The following ENO1 variants were observed in gnomAD, a reference collection of about 807,000 sequenced individuals.
ENO1 encodes the protein enolase 1.
ENO1 carries 33 observed loss-of-function variants against 46.3 expected under a neutral mutation model. That is an observed-to-expected ratio of 0.71 (90% CI 0.54 to 0.95). The LOEUF is 0.95. Among genes scored for constraint, ENO1 ranks in the 40% least tolerant of loss-of-function variants. ENO1 has a pLI of 0.00. For synonymous variants in ENO1, 220 were observed against 216.0 expected, an observed-to-expected ratio of 1.02 and a Z score of -0.16; for missense variants, 488 against 553.3, an observed-to-expected ratio of 0.88 and a Z score of 1.18.
At position 8,872,032 on chromosome 1, in the gene ENO1, T is replaced by C. The variant is rs28931274; in HGVS notation, c.86-46A>G. The C allele has an allele frequency of 1.3e-3, 1,941 of 1,530,324 alleles. 28 individuals carry two copies. In the African/African-American group the frequency reaches 0.025, roughly 19 times the overall value. The allele number at this position is 1,530,324 out of a possible 1,614,324, so 94.8% of individuals were successfully genotyped here. A position where few individuals can be genotyped will look rare whatever the true frequency, so the allele number is the denominator to read the frequency against. ...TGTAGTAGCAATTCAGAAATCCAGTTCCAGCACAATCCCAAGTCCCCTCCC... is the reference window on the plus strand; with the variant it reads ...TGTAGTAGCAATTCAGAAATCCAGTCCCAGCACAATCCCAAGTCCCCTCCC... On this transcript the variant is annotated intron_variant, in intron 2 of 11. Coordinates refer to ENST00000234590, the MANE Select transcript of ENO1 (RefSeq NM_001428.5).
intron 6 of ENO1, 140 bp downstream of exon 6, chr1:8,866,977 A>C (rs1642531300): frequency 3.0e-6 from 4 of 1,312,808 alleles, no homozygotes; most frequent in Non-Finnish European, 4.1e-6. Context: ...TTACCTGCTC[A>C]AGGTCACACT....
intron 3 of ENO1, chr1:8,871,320 T>C (rs944674927): frequency 1.0e-6 from 1 of 992,756 alleles, no homozygotes; most frequent in Non-Finnish European, 1.2e-6. Context: ...TGGCCACATG[T>C]TCTATCTCTA....
In ENO1 at chr1:8,871,904, G is replaced by A; in HGVS notation, c.168C>T (p.Arg56=). 6.2e-7 allele frequency: 1 copy of A among 1,614,016 alleles called. No individual in the cohort carries two copies. The highest frequency in any genetic ancestry group is 1.1e-5 in the South Asian group (1 of 91,078). ...ALELRDNDKT[R]YMGKGVSKAV... ...TCTAAGGCTTACCCTTCCCCATATA[G>A]CGAGTCTTATCATTGTCCCGGAGCT... Residue 56 remains arginine (R), a synonymous_variant, in exon 3 of 12, where the codon CGC becomes CGT. Transcript: ENST00000234590.
At position 8,861,295 on chromosome 1, in the gene ENO1, G is replaced by A; in HGVS notation, c.*65C>T. The A allele has an allele frequency of 6.4e-7, 1 of 1,564,754 alleles. No homozygotes were observed. The highest frequency in any genetic ancestry group is 1.7e-5 in the Admixed American group (1 of 59,684). On this transcript the variant is annotated 3_prime_UTR_variant, in exon 12 of 12. Transcript: ENST00000234590. Reference sequence around the variant, plus strand: ...GTTGGTCGGGGGCCTCGAGCTGCCTGAGCTGACACGAGGGGAGGGGTCTGT... The same window carrying A: ...GTTGGTCGGGGGCCTCGAGCTGCCTAAGCTGACACGAGGGGAGGGGTCTGT...
intron 3 of ENO1, chr1:8,871,042 C>T: frequency 2.4e-6 from 3 of 1,236,340 alleles, no homozygotes; most frequent in Non-Finnish European, 3.0e-6. Flanking sequence ...TTACTGAGCA[C>T]TCATTACCAT....
chr1:8,870,547 C>G (rs56193077), intron 3 of ENO1, 37 bp from the exon 4 acceptor site: 41,796 of 1,613,776 alleles, frequency 0.026, 624 homozygotes, highest in Non-Finnish European at 0.029. Flanking sequence ...CTGACATTAA[C>G]TTTAAAACAG....
intron 3 of ENO1, chr1:8,870,879 G>A (rs1009513660): frequency 2.4e-6 from 3 of 1,270,978 alleles, no homozygotes; most frequent in Non-Finnish European, 2.0e-6. Context: ...TGGGTCTGGA[G>A]ACGCCTGCCC....
intron 5 of ENO1, among the ~76,000 whole-genome samples, chr1:8,867,718 G>A (rs567798251): frequency 1.3e-5 from 2 of 152,072 alleles, no homozygotes; most frequent in Non-Finnish European, 2.9e-5. Context: ...TTTTAGTGGA[G>A]ACGGGGTTTC....
chr1:8,862,842 C>T, intron 11 of ENO1, 45 bp downstream of exon 11: 1 of 1,606,618 alleles, frequency 6.2e-7, no homozygotes, highest in Middle Eastern at 1.7e-4. Flanking sequence ...TGCAGGCCCC[C>T]ACCTAGTGAA....
chr1:8,863,273 A>G lies in ENO1; in HGVS notation c.1138T>C (p.Phe380Leu), dbSNP rs767145197. The change falls in exon 10 of 12, where the codon TTC becomes CTC. Residue 380 changes from phenylalanine (F) to leucine (L), a missense_variant. Physicochemically the swap from Phe to Leu is conservative, Grantham distance 22. Transcript: ENST00000234590. ...AGCCCCACAACCAGGTCAGCGATGAAGGTATCTTCAGTCTCCCCCGAACGA... is the reference window on the plus strand; with the variant it reads ...AGCCCCACAACCAGGTCAGCGATGAGGGTATCTTCAGTCTCCCCCGAACGA... Reference protein sequence around the residue: ...SHRSGETEDTFIADLVVGLCT... With the variant: ...SHRSGETEDTLIADLVVGLCT... 2.7e-5 allele frequency: 44 copies of G among 1,614,034 alleles called. No homozygotes were observed. In the African/African-American group the frequency reaches 5.5e-4, roughly 20 times the overall value.
At chr1:8,872,309 G>A (rs1349061614) in intron 2 of ENO1, among the ~76,000 whole-genome samples, 2 of 152,242 alleles carry the variant, frequency 1.3e-5, no homozygotes, top group South Asian at 4.1e-4. Flanking sequence ...TCGCATTGGT[G>A]CCCTGTGGAT....
rs1240519104 is a variant in ENO1 at position 8,871,914 on chromosome 1, T to A, written c.158A>T (p.Asp53Val). The A allele has an allele frequency of 4.3e-6, 7 of 1,614,040 alleles. No individual in the cohort carries two copies. In the African/African-American group the frequency reaches 8.0e-5, roughly 18 times the overall value. The change falls in exon 3 of 12, where the codon GAT (aspartate) becomes GTT (valine). Residue 53 changes from aspartate to valine, a missense_variant. Coordinates refer to ENST00000234590, the MANE Select transcript of ENO1 (RefSeq NM_001428.5). ...ACCCTTCCCCATATAGCGAGTCTTA[T>A]CATTGTCCCGGAGCTCTAGGGCCTC... The part of the protein sequence containing the change: ...IYEALELRDN[D>V]KTRYMGKGVS...
chr1:8,870,500 C>A lies in ENO1; in HGVS notation c.192G>T (p.Lys64Asn), dbSNP rs1260445512. Residue 64 changes from lysine to asparagine, a missense_variant, in exon 4 of 12, where the codon AAG becomes AAT. By Grantham distance (94) the Lys-to-Asn change is moderately conservative. Coordinates refer to ENST00000234590, the MANE Select transcript of ENO1 (RefSeq NM_001428.5). ...TAGTTTTATTGATGTGCTCAACAGC[C>A]TTTGAGACACCTGGAAGGAACAATC... is the stretch of plus-strand genomic sequence containing the variant. ...KTRYMGKGVS[K>N]AVEHINKTIA... 6.2e-6 allele frequency: 10 copies of A among 1,614,174 alleles called. No individual in the cohort carries two copies. In the South Asian group the frequency reaches 9.9e-5, roughly 16 times the overall value.
chr1:8,866,994 G>A lies in ENO1; in HGVS notation c.444+123C>T, dbSNP rs1642531629. 17 of 1,413,964 alleles carry A rather than the reference G, an allele frequency of 1.2e-5. No individual in the cohort carries two copies. In the East Asian group the frequency reaches 4.2e-4, roughly 35 times the overall value. 87.6% of individuals were successfully genotyped at this position (1,413,964 alleles called of 1,614,324 possible). A position where few individuals can be genotyped will look rare whatever the true frequency, so the allele number is the denominator to read the frequency against. On this transcript the variant is annotated intron_variant, in intron 6 of 11. Transcript: ENST00000234590. Reference sequence around the variant, plus strand: ...ACCTGCTCAAGGTCACACTTAACAAGGGGCAGAGCTGTGCTGGGAGAGTCA... The same window carrying A: ...ACCTGCTCAAGGTCACACTTAACAAAGGGCAGAGCTGTGCTGGGAGAGTCA...
chr1:8,871,058 C>A, intron 3 of ENO1: 1 of 1,231,008 alleles, frequency 8.1e-7, no homozygotes, highest in Non-Finnish European at 1.0e-6. Context: ...ACCATCAAGG[C>A]ACAGCATCAT....
At position 8,870,467 on chromosome 1, in the gene ENO1, A is replaced by G. The variant is rs1369894184; in HGVS notation, c.225T>C (p.Pro75=). 1.2e-6 allele frequency: 2 copies of G among 1,614,126 alleles called. No individual in the cohort carries two copies. The highest frequency in any genetic ancestry group is 2.2e-5 in the East Asian group (1 of 44,898). ...CAGGTCCTACCTTGCTAACCAGGGC[A>G]GGCGCAATAGTTTTATTGATGTGCT... The part of the protein sequence containing the change: ...AVEHINKTIA[P]ALVSKKLNVT... The change falls in exon 4 of 12, where the codon CCT becomes CCC. Residue 75 remains proline (P), a synonymous_variant. Coordinates refer to ENST00000234590, the MANE Select transcript of ENO1 (RefSeq NM_001428.5).
chr1:8,873,683 C>G (rs1360468955), intron 2 of ENO1: 1 of 152,258 alleles, frequency 6.6e-6, no homozygotes, highest in Non-Finnish European at 1.5e-5. Flanking sequence ...CCAACGAAGT[C>G]AGGCCTCAAG....
chr1:8,862,804 C>T (rs1642433327), intron 11 of ENO1, 83 bp downstream of exon 11: 9 of 1,481,082 alleles, frequency 6.1e-6, no homozygotes, highest in Non-Finnish European at 7.4e-6. Flanking sequence ...GCCAGGAGCT[C>T]CTGGGGGAGG....
intron 6 of ENO1, among the ~76,000 whole-genome samples, chr1:8,866,899 A>C (rs1238274589): frequency 6.6e-6 from 1 of 152,198 alleles, no homozygotes; most frequent in African/African-American, 2.4e-5. Context: ...TAGCAAGGAA[A>C]GTACTGCTGT....
Sources: allele counts gnomAD v4.1 joint callset (sites outside exome capture counted in the v4.1 genomes callset), GRCh38; gene constraint gnomAD v4.1.1; transcripts MANE v1.5; gene names NCBI Gene and HGNC (gene_info 2026-07-23, HGNC 2026-07-21).